The following FSHR variants were observed in gnomAD, a reference collection of about 807,000 sequenced individuals.
FSHR encodes follicle stimulating hormone receptor.
A neutral mutation model predicts 52.1 loss-of-function variants in FSHR; 46 were observed. That is an observed-to-expected ratio of 0.88 (90% CI 0.70 to 1.13). FSHR has a LOEUF of 1.13. Ranked by LOEUF, FSHR falls within the 50% of genes most tolerant of loss-of-function variation. FSHR has a pLI of 0.00. For synonymous variants in FSHR, 399 were observed against 309.6 expected (o/e 1.29, Z -3.03); for missense variants, 964 against 834.6 (o/e 1.16, Z -1.91).
chr2:49,100,114 A>G (rs1670972793), intron 1 of FSHR, among the ~76,000 whole-genome samples: 1 of 152,174 alleles, frequency 6.6e-6, no homozygotes. Context: ...CAAACCTATT[A>G]CATAGGTACT....
At chr2:49,035,987 T>A (rs1389704902) in intron 2 of FSHR, among the ~76,000 whole-genome samples, 1 of 152,216 alleles carries the variant, frequency 6.6e-6, no homozygotes, top group African/African-American at 2.4e-5. Context: ...TTTGAAAAGT[T>A]CAGCAACACT....
intron 4 of FSHR, among the ~76,000 whole-genome samples, chr2:49,005,142 G>A (rs1667034260): frequency 6.6e-6 from 1 of 152,126 alleles, no homozygotes; most frequent in African/African-American, 2.4e-5. Flanking sequence ...TTTGCTGATG[G>A]GAAGGACTTG....
chr2:49,129,319 C>A lies in FSHR; in HGVS notation c.152+24947G>T, dbSNP rs1672178451. Among the ~76,000 whole-genome samples, 4 of 152,160 alleles carry A rather than the reference C, an allele frequency of 2.6e-5. No homozygotes were observed. In the South Asian group the frequency reaches 8.3e-4, roughly 32 times the overall value. On this transcript the variant is annotated intron_variant, in intron 1 of 9. Transcript: ENST00000406846. ...ACAGCCAGGCCAGATAGCCTGATTT[C>A]TATTTAGTTTCTAGTCAGTAGGGGC...
intron 9 of FSHR, among the ~76,000 whole-genome samples, chr2:48,967,181 G>A (rs886972956): frequency 6.6e-6 from 1 of 152,074 alleles, no homozygotes; most frequent in Non-Finnish European, 1.5e-5. Context: ...CTGCAGCCTC[G>A]ACCTCCTGGG....
intron 2 of FSHR, among the ~76,000 whole-genome samples, chr2:49,048,022 G>A (rs913499678): frequency 6.6e-6 from 1 of 152,028 alleles, no homozygotes; most frequent in African/African-American, 2.4e-5. Context: ...GGGTTTACAG[G>A]TGCCCACCAC....
At chr2:49,095,013 G>A (rs1017727433) in intron 1 of FSHR, among the ~76,000 whole-genome samples, 4 of 152,042 alleles carry the variant, frequency 2.6e-5, no homozygotes, top group Non-Finnish European at 5.9e-5. Context: ...ATGTAGTATT[G>A]TATGCCAACA....
chr2:49,096,513 T>C (rs937394185), intron 1 of FSHR, among the ~76,000 whole-genome samples: 2 of 152,196 alleles, frequency 1.3e-5, no homozygotes, highest in East Asian at 1.9e-4. Context: ...GTGATGAAAA[T>C]ATTTTGGGAT....
intron 1 of FSHR, among the ~76,000 whole-genome samples, chr2:49,127,239 A>G (rs1672034479): frequency 2.6e-5 from 4 of 151,986 alleles, no homozygotes; most frequent in Admixed American, 2.6e-4. Context: ...GAGGCAGGAG[A>G]ATCGCTTGAA....
chr2:49,028,601 A>C (rs532402192), intron 2 of FSHR, among the ~76,000 whole-genome samples: 1 of 152,226 alleles, frequency 6.6e-6, no homozygotes, highest in African/African-American at 2.4e-5. Context: ...TCCTGGGAGC[A>C]TAGCTGGACT....
intron 2 of FSHR, among the ~76,000 whole-genome samples, chr2:49,021,023 C>A (rs1219733229): frequency 6.6e-6 from 1 of 152,090 alleles, no homozygotes; most frequent in Non-Finnish European, 1.5e-5. Flanking sequence ...TTGATAGGTG[C>A]AGCAAACCAC....
intron 1 of FSHR, among the ~76,000 whole-genome samples, chr2:49,071,580 A>T (rs1669732825): frequency 6.6e-6 from 1 of 152,214 alleles, no homozygotes; most frequent in Non-Finnish European, 1.5e-5. Flanking sequence ...TGAATGAAGA[A>T]ATTAGTGTTT....
chr2:49,150,921 G>T (rs1223310480), intron 1 of FSHR, among the ~76,000 whole-genome samples: 1 of 151,870 alleles, frequency 6.6e-6, no homozygotes, highest in Admixed American at 6.6e-5. Flanking sequence ...CTTTTCACAT[G>T]GTTGAAAAAA....
intron 2 of FSHR, among the ~76,000 whole-genome samples, chr2:49,050,855 C>A (rs998506585): frequency 6.6e-6 from 1 of 152,088 alleles, no homozygotes; most frequent in African/African-American, 2.4e-5. Context: ...ATCTTCACCA[C>A]GTTAAAAAAG....
chr2:49,090,847 G>C (rs142905030), intron 1 of FSHR, among the ~76,000 whole-genome samples: 41 of 152,128 alleles, frequency 2.7e-4, no homozygotes, highest in Non-Finnish European at 3.4e-4. Flanking sequence ...AATTAGTTAC[G>C]TAATGGCTAC....
chr2:49,083,518 C>T (rs567703328), intron 1 of FSHR, among the ~76,000 whole-genome samples: 2 of 145,298 alleles, frequency 1.4e-5, no homozygotes, highest in Non-Finnish European at 3.0e-5. Flanking sequence ...TGTAAATGGA[C>T]TAAATGCTCC....
intron 2 of FSHR, among the ~76,000 whole-genome samples, chr2:49,050,553 A>G (rs1183847000): frequency 6.6e-6 from 1 of 152,182 alleles, no homozygotes; most frequent in Non-Finnish European, 1.5e-5. Flanking sequence ...TCCAACTAAA[A>G]GAAGCCTTGT....
At chr2:49,097,993 T>C (rs1670889306) in intron 1 of FSHR, among the ~76,000 whole-genome samples, 1 of 152,198 alleles carries the variant, frequency 6.6e-6, no homozygotes, top group Non-Finnish European at 1.5e-5. Context: ...TATATATCTA[T>C]ATTATCATTC....
intron 4 of FSHR, among the ~76,000 whole-genome samples, chr2:49,011,888 C>A (rs1352892732): frequency 6.6e-6 from 1 of 152,010 alleles, no homozygotes; most frequent in African/African-American, 2.4e-5. Context: ...ATACTCCTAC[C>A]AAATTAAATT....
Position 49,140,877 on chromosome 2 carries a change from A to G in FSHR, c.152+13389T>C, listed in dbSNP as rs143318486. Among the ~76,000 whole-genome samples the G allele has an allele frequency of 1.6e-3, 240 of 152,290 alleles. 2 individuals are homozygous for G. Among genetic ancestry groups the G allele is most frequent in the Non-Finnish European group, 5.1e-4 (35 of 68,028 alleles). On this transcript the variant is annotated intron_variant, in intron 1 of 9. Coordinates refer to ENST00000406846, the MANE Select transcript of FSHR (RefSeq NM_000145.4). ...AGTGAGGAGCATTTAGGGAGCATTTACAGTGATTCCTGAGCCTCCATTAAG... is the reference window on the plus strand; with the variant it reads ...AGTGAGGAGCATTTAGGGAGCATTTGCAGTGATTCCTGAGCCTCCATTAAG...
Sources: gnomAD v4.1 joint callset for allele counts (sites outside exome capture counted in the v4.1 genomes callset) on GRCh38, gnomAD v4.1.1 for gene constraint, MANE v1.5 for transcripts, NCBI Gene and HGNC (gene_info 2026-07-23, HGNC 2026-07-21) for gene names.